Variants in ERBB4 observed in about 807,000 individuals in gnomAD.
The protein encoded by ERBB4 is erb-b2 receptor tyrosine kinase 4.
In ERBB4, 42 loss-of-function variants were observed where a neutral mutation model predicts 158.0. The observed-to-expected ratio is 0.27, with a 90% CI of 0.21 to 0.34. ERBB4 has a LOEUF of 0.34. Ranked by LOEUF, ERBB4 falls within the 10% of genes least tolerant of loss-of-function variation. ERBB4 has a pLI of 1.00. For missense variants in ERBB4, 1,333 were observed against 1,624.1 expected (o/e 0.82, Z 3.08); for synonymous variants, 583 against 558.7 (o/e 1.04, Z -0.61).
intron 4 of ERBB4, among the ~76,000 whole-genome samples, chr2:211,769,634 A>G (rs550698196): frequency 3.2e-4 from 49 of 152,306 alleles, no homozygotes; most frequent in African/African-American, 1.2e-3. Flanking sequence ...AAAGTAGGGA[A>G]GCCAACTGTC....
At chr2:211,902,787 A>G (rs2079272967) in intron 3 of ERBB4, among the ~76,000 whole-genome samples, 1 of 151,908 alleles carries the variant, frequency 6.6e-6, no homozygotes, top group Non-Finnish European at 1.5e-5. Context: ...CATAGATTAT[A>G]GAGTCAGATA....
At chr2:212,060,909 T>C (rs937423356) in intron 2 of ERBB4, among the ~76,000 whole-genome samples, 3 of 150,740 alleles carry the variant, frequency 2.0e-5, no homozygotes, top group Non-Finnish European at 2.9e-5. Context: ...TGTATACATA[T>C]GTAACAAACC....
At chr2:211,622,389 A>C (rs138310762) in intron 18 of ERBB4, among the ~76,000 whole-genome samples, 2,309 of 152,286 alleles carry the variant, frequency 0.015, 26 homozygotes, top group Middle Eastern at 0.044. Flanking sequence ...TTTTTGTCAA[A>C]TTAAGATCAA....
At chr2:211,832,587 TATACACATAAAC>T in intron 3 of ERBB4, among the ~76,000 whole-genome samples, 1 of 150,926 alleles carries the variant, frequency 6.6e-6, no homozygotes, top group Non-Finnish European at 1.5e-5. Flanking sequence ...TGTATATATA[TATACACATAAAC>T]GTGTGTGTGT....
chr2:211,420,722 C>A, intron 24 of ERBB4, 111 bp from the exon 25 acceptor site: 1 of 972,302 alleles, frequency 1.0e-6, no homozygotes, highest in Non-Finnish European at 1.6e-6. Flanking sequence ...AAAATTCATA[C>A]ACACATTTTA....
intron 1 of ERBB4, among the ~76,000 whole-genome samples, chr2:212,437,749 T>A (rs1228326243): frequency 1.3e-5 from 2 of 152,094 alleles, no homozygotes; most frequent in Non-Finnish European, 2.9e-5. Context: ...AACACTGTAC[T>A]GTCTATAGGG....
intron 2 of ERBB4, among the ~76,000 whole-genome samples, chr2:212,014,113 G>A (rs1290541352): frequency 1.3e-5 from 2 of 152,140 alleles, no homozygotes. Context: ...CAAACTCAGC[G>A]TTGTCACTGT....
intron 3 of ERBB4, among the ~76,000 whole-genome samples, chr2:211,907,688 T>C (rs1055792025): frequency 1.3e-5 from 2 of 151,606 alleles, no homozygotes; most frequent in Non-Finnish European, 2.9e-5. Flanking sequence ...AAGTCAGAGA[T>C]ACTTTGTTTG....
intron 4 of ERBB4, among the ~76,000 whole-genome samples, chr2:211,764,332 T>C (rs1489147103): frequency 6.6e-6 from 1 of 152,204 alleles, no homozygotes; most frequent in Non-Finnish European, 1.5e-5. Context: ...TATTTTTAAG[T>C]CTAAATAAAT....
At chr2:211,690,449 G>A (rs1253238904) in intron 12 of ERBB4, among the ~76,000 whole-genome samples, 2 of 151,992 alleles carry the variant, frequency 1.3e-5, no homozygotes, top group Admixed American at 6.6e-5. Flanking sequence ...ACCTCTCTTC[G>A]GCTGTCTAAT....
intron 20 of ERBB4, among the ~76,000 whole-genome samples, chr2:211,497,796 C>T (rs1463813303): frequency 6.6e-6 from 1 of 151,908 alleles, no homozygotes; most frequent in African/African-American, 2.4e-5. Context: ...TAAAATATAC[C>T]TTGCTACCCA....
At chr2:212,315,619 G>A (rs867498213) in intron 1 of ERBB4, among the ~76,000 whole-genome samples, 9 of 151,298 alleles carry the variant, frequency 5.9e-5, no homozygotes, top group South Asian at 4.2e-4. Flanking sequence ...CAACTTTTCC[G>A]GAGCTATACA....
intron 2 of ERBB4, among the ~76,000 whole-genome samples, chr2:211,957,595 T>C (rs1177569861): frequency 2.0e-5 from 3 of 152,142 alleles, no homozygotes; most frequent in African/African-American, 7.2e-5. Flanking sequence ...AAAATGGGGA[T>C]GTTAAGGTCT....
chr2:212,324,786 G>A (rs1003175585), intron 1 of ERBB4, among the ~76,000 whole-genome samples: 7 of 150,414 alleles, frequency 4.7e-5, no homozygotes, highest in African/African-American at 1.5e-4. Context: ...TGGGAAGAGG[G>A]GGAAATACTA....
intron 2 of ERBB4, among the ~76,000 whole-genome samples, chr2:212,015,112 A>ATATAT (rs1559321342): frequency 1.2e-5 from 1 of 84,806 alleles, no homozygotes; most frequent in African/African-American, 4.4e-5. Context: ...ATATATATAT[A>ATATAT]AAAATTAGCC....
chr2:211,511,530 G>C (rs2065885433), intron 20 of ERBB4, among the ~76,000 whole-genome samples: 1 of 151,978 alleles, frequency 6.6e-6, no homozygotes, highest in Admixed American at 6.5e-5. Context: ...AGCAAAACTT[G>C]AGCCATATCA....
At chr2:211,897,041 T>G (rs991635449) in intron 3 of ERBB4, among the ~76,000 whole-genome samples, 1 of 150,364 alleles carries the variant, frequency 6.7e-6, no homozygotes, top group Non-Finnish European at 1.5e-5. Flanking sequence ...GTAATTATTA[T>G]TAATATTATA....
chr2:211,788,925 G>A (rs928494915), intron 3 of ERBB4, among the ~76,000 whole-genome samples: 4 of 152,096 alleles, frequency 2.6e-5, no homozygotes, highest in Non-Finnish European at 4.4e-5. Context: ...GTAAGGATAC[G>A]GCTGTGGGAT....
intron 1 of ERBB4, among the ~76,000 whole-genome samples, chr2:212,511,170 A>T (rs1236672222): frequency 1.3e-5 from 2 of 152,338 alleles, no homozygotes; most frequent in Non-Finnish European, 2.9e-5. Context: ...GAAGAATTAA[A>T]GATGCCACTG....
Sources: gnomAD v4.1 joint callset for allele counts (sites outside exome capture counted in the v4.1 genomes callset) on GRCh38, gnomAD v4.1.1 for gene constraint, MANE v1.5 for transcripts, NCBI Gene and HGNC (gene_info 2026-07-23, HGNC 2026-07-21) for gene names.